Variants in SASS6 observed in about 807,000 individuals in gnomAD.
The protein encoded by SASS6 is SAS-6 centriolar assembly protein.
A neutral mutation model predicts 94.9 loss-of-function variants in SASS6; 59 were observed. That is an observed-to-expected ratio of 0.62 (90% CI 0.50 to 0.77). SASS6 has a LOEUF of 0.77. Among genes scored for constraint, SASS6 ranks in the 30% least tolerant of loss-of-function variants. The pLI, the probability that SASS6 is intolerant of heterozygous loss-of-function variation, is 0.00. For missense variants in SASS6, 698 were observed against 734.1 expected, an observed-to-expected ratio of 0.95 and a Z score of 0.57; for synonymous variants, 264 against 270.0, an observed-to-expected ratio of 0.98 and a Z score of 0.22.
At position 100,106,998 on chromosome 1, in the gene SASS6, A is replaced by G; in HGVS notation, c.1327-5T>C. The G allele has an allele frequency of 8.3e-7, 1 of 1,210,880 alleles. No individual in the cohort carries two copies. The highest frequency in any genetic ancestry group is 1.2e-6 in the Non-Finnish European group (1 of 820,482). The allele number at this position is 1,210,880 out of a possible 1,614,324, so 75.0% of individuals were successfully genotyped here. A position where few individuals can be genotyped will look rare whatever the true frequency, so the allele number is the denominator to read the frequency against. ...TTGTTCTTGTAATTTGCATACCTGA[A>G]ATATATCAATCATCACAATAAGTCA... On this transcript the variant is annotated splice_region_variant and splice_polypyrimidine_tract_variant and intron_variant, in intron 11 of 16. Transcript: ENST00000287482.
intron 8 of SASS6, 121 bp from the exon 9 acceptor site, chr1:100,108,125 T>A: frequency 3.7e-6 from 2 of 542,704 alleles, no homozygotes; most frequent in East Asian, 3.1e-5. Flanking sequence ...AAAGTTTTAG[T>A]ACAGATTTTT....
chr1:100,102,982 A>G lies in SASS6; in HGVS notation c.1647T>C (p.Asn549=), dbSNP rs1473033270. 6.2e-7 allele frequency: 1 copy of G among 1,612,508 alleles called. No homozygotes were observed. The highest frequency in any genetic ancestry group is 2.2e-5 in the East Asian group (1 of 44,852). The change falls in exon 14 of 17, where the codon AAT becomes AAC. Residue 549 remains asparagine (N), a synonymous_variant. Transcript: ENST00000287482. ...NTFPHSISAK[N]TSHPGSGTKV... is the part of the protein sequence containing the mutation. ...TTGTTCCTGAACCAGGGTGGCTGGT[A>G]TTTTTGGCAGATATCGAATGAGGGA...
chr1:100,088,266 T>G, intron 14 of SASS6, 30 bp from the exon 15 acceptor site: 11 of 1,085,408 alleles, frequency 1.0e-5, no homozygotes, highest in Non-Finnish European at 1.6e-5. Flanking sequence ...CTCATGTAAC[T>G]GAGTTATATA....
At chr1:100,104,868 G>A (rs1400561162) in intron 13 of SASS6, among the ~76,000 whole-genome samples, 3 of 151,286 alleles carry the variant, frequency 2.0e-5, no homozygotes, top group African/African-American at 7.3e-5. Flanking sequence ...TGGGAGGATT[G>A]CCTGAGCCCA....
rs753169135 is a variant in SASS6 at position 100,119,025 on chromosome 1, G to A, written c.662C>T (p.Ala221Val). The change falls in exon 7 of 17, where the codon GCC becomes GTC. Residue 221 changes from alanine (A) to valine (V), a missense_variant. By Grantham distance (64) the Ala-to-Val change is moderately conservative (BLOSUM62 0). Transcript: ENST00000287482. ...TTCCTTTAATGTTCTTACCTGCAAG[G>A]CTTTTTCCTTTTCATTTGTCAGTTC... ...SQELTNEKEK[A>V]LQAQVQYQQQ... 3 of 1,570,334 alleles carry A rather than the reference G, an allele frequency of 1.9e-6. No individual in the cohort carries two copies. The highest frequency in any genetic ancestry group is 1.2e-5 in the South Asian group (1 of 82,282).
intron 7 of SASS6, among the ~76,000 whole-genome samples, chr1:100,117,745 T>G (rs1396077411): frequency 7.1e-6 from 1 of 139,900 alleles, no homozygotes; most frequent in Non-Finnish European, 1.6e-5. Context: ...TGATAAAAAG[T>G]TATATTAAAA....
At chr1:100,119,502 G>T (rs1654018216) in intron 6 of SASS6, among the ~76,000 whole-genome samples, 1 of 152,182 alleles carries the variant, frequency 6.6e-6, no homozygotes, top group Non-Finnish European at 1.5e-5. Flanking sequence ...TTGTGCAGGG[G>T]TATTTTCTGC....
chr1:100,087,818 A>G (rs1651417455), intron 15 of SASS6, among the ~76,000 whole-genome samples: 1 of 152,196 alleles, frequency 6.6e-6, no homozygotes, highest in Non-Finnish European at 1.5e-5. Flanking sequence ...ATTTTTAAAA[A>G]TTTCTATGAA....
At position 100,085,482 on chromosome 1, in the gene SASS6, T is replaced by C. The variant is rs375526105; in HGVS notation, c.1868-48A>G. 7 of 1,561,228 alleles carry C rather than the reference T, an allele frequency of 4.5e-6. No homozygotes were observed. In the South Asian group the frequency reaches 6.7e-5, roughly 15 times the overall value. The stretch of plus-strand genomic sequence containing the variant: ...GTTACTGGTATTCATTAAGTCTTCA[T>C]ACATTAAATTTAATTCAACTATAAA... On this transcript the variant is annotated intron_variant, in intron 16 of 16. Transcript: ENST00000287482.
chr1:100,127,590 A>G (rs1654710454), intron 1 of SASS6, among the ~76,000 whole-genome samples: 1 of 152,236 alleles, frequency 6.6e-6, no homozygotes, highest in Non-Finnish European at 1.5e-5. Context: ...TACACCAGAG[A>G]GAGGAAGAAT....
Position 100,085,129 on chromosome 1 carries a change from TCA to T in SASS6, c.*197_*198del. 1 of 503,296 alleles carries T rather than the reference TCA, an allele frequency of 2.0e-6. No individual in the cohort carries two copies. Among genetic ancestry groups the T allele is most frequent in the Non-Finnish European group, 3.6e-6 (1 of 281,680 alleles). 31.2% of individuals were successfully genotyped at this position (503,296 alleles called of 1,614,324 possible). ...TCACAAACCAAAAAATGTCATTTAC[TCA>T]CAATCTTTACCAATCCCCAAGTACA... On this transcript the variant is annotated 3_prime_UTR_variant, in exon 17 of 17. Transcript: ENST00000287482.
chr1:100,108,522 T>C (rs1653081882), intron 8 of SASS6, among the ~76,000 whole-genome samples: 2 of 152,018 alleles, frequency 1.3e-5, no homozygotes. Flanking sequence ...TAATTGTTCA[T>C]TAAAAATAGA....
At chr1:100,113,718 A>G (rs1653567741) in intron 7 of SASS6, among the ~76,000 whole-genome samples, 1 of 152,120 alleles carries the variant, frequency 6.6e-6, no homozygotes, top group South Asian at 2.1e-4. Flanking sequence ...AATTAATGAA[A>G]TGAAAAACTA....
chr1:100,116,870 C>T (rs982859876), intron 7 of SASS6, among the ~76,000 whole-genome samples: 6 of 152,024 alleles, frequency 3.9e-5, no homozygotes, highest in Non-Finnish European at 8.8e-5. Flanking sequence ...ACAAGGGAAC[C>T]TAGAGGGGTG....
At position 100,105,633 on chromosome 1, in the gene SASS6, A is replaced by T. The variant is rs1473169511; in HGVS notation, c.1545+134T>A. ...CACTTCCAGGGGCAACTTAAACTCT[A>T]TTTCAGTGCAATTGTAGGACTCCAC... On this transcript the variant is annotated intron_variant, in intron 13 of 16. Transcript: ENST00000287482. The T allele has an allele frequency of 1.6e-5, 12 of 770,518 alleles. No homozygotes were observed. The Middle Eastern group carries it at 8.0e-4, about 51-fold the overall frequency. The allele number at this position is 770,518 out of a possible 1,614,324, so 47.7% of individuals were successfully genotyped here. A position where few individuals can be genotyped will look rare whatever the true frequency, so the allele number is the denominator to read the frequency against.
At chr1:100,100,177 A>C (rs1652373820) in intron 14 of SASS6, among the ~76,000 whole-genome samples, 1 of 152,148 alleles carries the variant, frequency 6.6e-6, no homozygotes, top group Non-Finnish European at 1.5e-5. Context: ...GAGGCATGAG[A>C]ATCGCTTGAA....
In SASS6 at chr1:100,086,074, A is replaced by G. The variant is rs192167426; in HGVS notation, c.1773-444T>C. 2.2e-4 allele frequency among the ~76,000 whole-genome samples: 33 copies of G among 152,262 alleles called. No individual in the cohort carries two copies. In the East Asian group the frequency reaches 6.0e-3, roughly 28 times the overall value. On this transcript the variant is annotated intron_variant, in intron 15 of 16. Transcript: ENST00000287482. ...GATCAAGTATTAACACACATTACAC[A>G]ATAAATTCTGATCAAATTAATACAA... is the stretch of plus-strand genomic sequence containing the variant.
intron 13 of SASS6, among the ~76,000 whole-genome samples, chr1:100,104,854 G>A (rs1044371734): frequency 1.2e-4 from 18 of 151,214 alleles, no homozygotes; most frequent in African/African-American, 4.1e-4. Context: ...TTGAGAGGCC[G>A]AGGTGGGAGG....
At chr1:100,107,271 A>C (rs906794025) in intron 11 of SASS6, 103 bp downstream of exon 11, 7 of 741,438 alleles carry the variant, frequency 9.4e-6, no homozygotes, top group African/African-American at 1.8e-5. Flanking sequence ...CTTTTGTTAA[A>C]AAAAAAAACA....
Sources: gnomAD v4.1 joint callset for allele counts (sites outside exome capture counted in the v4.1 genomes callset) on GRCh38, gnomAD v4.1.1 for gene constraint, MANE v1.5 for transcripts, NCBI Gene and HGNC (gene_info 2026-07-23, HGNC 2026-07-21) for gene names.